The following ARID2 variants were observed in gnomAD, a reference collection of about 807,000 sequenced individuals.
The protein encoded by ARID2 is AT-rich interactive domain-containing protein 2.
In ARID2, 32 loss-of-function variants were observed where a neutral mutation model predicts 184.6. That is an observed-to-expected ratio of 0.17 (90% CI 0.13 to 0.23). ARID2 has a LOEUF of 0.23. Among genes scored for constraint, ARID2 ranks in the 10% least tolerant of loss-of-function variants. The probability of loss-of-function intolerance (pLI) is 1.00; values close to 1 mark genes in which losing one functional copy is unlikely to be tolerated. For synonymous variants in ARID2, 836 were observed against 772.6 expected, an observed-to-expected ratio of 1.08 and a Z score of -1.36; for missense variants, 1,696 against 2,197.6, an observed-to-expected ratio of 0.77 and a Z score of 4.56.
At chr12:45,780,899 C>T (rs1436519328) in intron 3 of ARID2, among the ~76,000 whole-genome samples, 1 of 152,092 alleles carries the variant, frequency 6.6e-6, no homozygotes, top group Non-Finnish European at 1.5e-5. Flanking sequence ...GGATTACAGG[C>T]GTGAGCCACT....
intron 20 of ARID2, among the ~76,000 whole-genome samples, chr12:45,899,335 T>G (rs1039113407): frequency 1.5e-4 from 21 of 142,546 alleles, no homozygotes; most frequent in South Asian, 9.0e-4. Flanking sequence ...CTGGGCGTGG[T>G]GGCTCACACC....
chr12:45,869,527 C>T (rs1191185906), intron 16 of ARID2, among the ~76,000 whole-genome samples: 1 of 151,922 alleles, frequency 6.6e-6, no homozygotes, highest in East Asian at 1.9e-4. Context: ...TCTCAACTTC[C>T]ATTATATTTT....
chr12:45,793,711 A>G (rs1942336511), intron 3 of ARID2, among the ~76,000 whole-genome samples: 1 of 151,728 alleles, frequency 6.6e-6, no homozygotes, highest in African/African-American at 2.4e-5. Context: ...ACACATATAT[A>G]TCTCAGCAAG....
intron 3 of ARID2, among the ~76,000 whole-genome samples, chr12:45,782,643 T>C (rs548063922): frequency 6.6e-6 from 1 of 151,728 alleles, no homozygotes; most frequent in East Asian, 2.0e-4. Context: ...AAAAAATTTT[T>C]TTGAATCAAA....
chr12:45,864,273 T>C (rs1335455690), intron 16 of ARID2, among the ~76,000 whole-genome samples: 3 of 152,132 alleles, frequency 2.0e-5, no homozygotes. Flanking sequence ...GACCTCACTC[T>C]TTAGATATAA....
chr12:45,733,006 TTG>T (rs1941031855), intron 3 of ARID2, among the ~76,000 whole-genome samples: 2 of 152,170 alleles, frequency 1.3e-5, no homozygotes, highest in African/African-American at 4.8e-5. Context: ...AGTTTCAACA[TTG>T]TAAGTATTTA....
At chr12:45,854,894 T>C (rs1320903422) in intron 15 of ARID2, among the ~76,000 whole-genome samples, 2 of 152,226 alleles carry the variant, frequency 1.3e-5, no homozygotes, top group African/African-American at 2.4e-5. Flanking sequence ...ATTATAAAGA[T>C]GAGGACTCAA....
intron 3 of ARID2, among the ~76,000 whole-genome samples, chr12:45,732,479 G>A (rs905493838): frequency 6.6e-6 from 1 of 152,226 alleles, no homozygotes; most frequent in African/African-American, 2.4e-5. Flanking sequence ...ATTAAATATG[G>A]TTGTCATCTA....
At chr12:45,773,827 A>T (rs549483095) in intron 3 of ARID2, among the ~76,000 whole-genome samples, 1 of 152,194 alleles carries the variant, frequency 6.6e-6, no homozygotes, top group Non-Finnish European at 1.5e-5. Flanking sequence ...AAGGAAAATT[A>T]GTACAGATTC....
chr12:45,786,745 G>A (rs1405170802), intron 3 of ARID2, among the ~76,000 whole-genome samples: 1 of 152,160 alleles, frequency 6.6e-6, no homozygotes, highest in African/African-American at 2.4e-5. Context: ...CAACCCAAGT[G>A]TCCATTGACA....
chr12:45,899,681 T>TTATATATATATGGTTTTA (rs1944426121), intron 20 of ARID2, among the ~76,000 whole-genome samples: 1 of 54,818 alleles, frequency 1.8e-5, no homozygotes, highest in Admixed American at 1.7e-4. Context: ...TTATATATGG[T>TTATATATATATGGTTTTA]TATATATATA....
chr12:45,887,445 A>T (rs11183228), intron 16 of ARID2, among the ~76,000 whole-genome samples: 43,669 of 152,052 alleles, frequency 0.29, 6,533 homozygotes, highest in East Asian at 0.33. Context: ...ATTTGTTTTT[A>T]TATACTTAAG....
intron 3 of ARID2, among the ~76,000 whole-genome samples, chr12:45,786,495 C>T (rs532808403): frequency 1.3e-5 from 2 of 152,190 alleles, no homozygotes; most frequent in Non-Finnish European, 2.9e-5. Context: ...TCTGTGGGAC[C>T]TGTACAAGTT....
At chr12:45,818,580 T>A (rs1942846233) in intron 5 of ARID2, among the ~76,000 whole-genome samples, 1 of 152,170 alleles carries the variant, frequency 6.6e-6, no homozygotes. Context: ...ACCCCATTTT[T>A]TGCCAGAAGT....
intron 16 of ARID2, among the ~76,000 whole-genome samples, chr12:45,880,099 T>G (rs183646): frequency 0.15 from 22,632 of 152,226 alleles, 2,033 homozygotes; most frequent in Admixed American, 0.21. Context: ...TAATATTTTG[T>G]TTGAAGATTC....
At chr12:45,863,235 C>G (rs1333774390) in intron 16 of ARID2, among the ~76,000 whole-genome samples, 1 of 152,046 alleles carries the variant, frequency 6.6e-6, no homozygotes, top group Non-Finnish European at 1.5e-5. Context: ...TAAGAGCAAG[C>G]ACAGGAGTGT....
intron 6 of ARID2, among the ~76,000 whole-genome samples, chr12:45,830,601 A>C (rs1007948521): frequency 3.3e-5 from 5 of 152,208 alleles, no homozygotes; most frequent in Admixed American, 6.5e-5. Flanking sequence ...CACTGCATCA[A>C]GAGCGAAACC....
At chr12:45,755,086 G>A (rs529291914) in intron 3 of ARID2, among the ~76,000 whole-genome samples, 13 of 152,312 alleles carry the variant, frequency 8.5e-5, no homozygotes, top group Admixed American at 5.9e-4. Flanking sequence ...CTGCTGCATC[G>A]GAGGCGTTAA....
chr12:45,783,598 T>A (rs986000203), intron 3 of ARID2, among the ~76,000 whole-genome samples: 1 of 152,236 alleles, frequency 6.6e-6, no homozygotes, highest in African/African-American at 2.4e-5. Flanking sequence ...CATTAGATTC[T>A]CATAATGAGC....
Sources: gnomAD v4.1 joint callset for allele counts (sites outside exome capture counted in the v4.1 genomes callset) on GRCh38, gnomAD v4.1.1 for gene constraint, MANE v1.5 for transcripts, NCBI Gene and HGNC (gene_info 2026-07-23, HGNC 2026-07-21) for gene names.